KHDRBS2: variants seen among roughly 807,000 people sequenced by gnomAD.
KHDRBS2 encodes the protein KH domain-containing, RNA-binding, signal transduction-associated protein 2.
In KHDRBS2, 26 loss-of-function variants were observed where a neutral mutation model predicts 44.3. That is an observed-to-expected ratio of 0.59 (90% CI 0.43 to 0.81). The LOEUF is 0.81. Ranked by LOEUF, KHDRBS2 falls within the 40% of genes least tolerant of loss-of-function variation. The pLI, the probability that KHDRBS2 is intolerant of heterozygous loss-of-function variation, is 0.00. For synonymous variants in KHDRBS2, 194 were observed against 151.1 expected, an observed-to-expected ratio of 1.28 and a Z score of -2.08; for missense variants, 476 against 433.1, an observed-to-expected ratio of 1.10 and a Z score of -0.88.
At chr6:61,561,835 T>G in the KHDRBS2 span, among the ~76,000 whole-genome samples, 4 of 152,112 alleles carry the variant, frequency 2.6e-5, no homozygotes, top group African/African-American at 7.2e-5. Flanking sequence ...TACCACATAT[T>G]TGGTCTTCAT....
chr6:61,839,128 G>A (rs1199903520), intron 6 of KHDRBS2, among the ~76,000 whole-genome samples: 1 of 151,916 alleles, frequency 6.6e-6, no homozygotes. Context: ...GATGGGGTGG[G>A]GGAAACCACA....
intron 1 of KHDRBS2, among the ~76,000 whole-genome samples, chr6:62,199,594 CAAAT>C (rs1446240620): frequency 6.6e-6 from 1 of 152,150 alleles, no homozygotes; most frequent in Non-Finnish European, 1.5e-5. Context: ...AGGATATAAA[CAAAT>C]GGAAGAAAAT....
At chr6:62,189,104 A>C (rs1341258955) in intron 1 of KHDRBS2, among the ~76,000 whole-genome samples, 1 of 152,024 alleles carries the variant, frequency 6.6e-6, no homozygotes, top group African/African-American at 2.4e-5. Context: ...GCGACAGAGC[A>C]AGAGTCTGTC....
intron 1 of KHDRBS2, among the ~76,000 whole-genome samples, chr6:62,259,199 A>G (rs949950324): frequency 3.9e-5 from 6 of 152,168 alleles, no homozygotes; most frequent in Non-Finnish European, 5.9e-5. Flanking sequence ...ACTGGAAATT[A>G]CCAAAACTAT....
At chr6:61,603,284 C>A in the KHDRBS2 span, among the ~76,000 whole-genome samples, 9 of 152,110 alleles carry the variant, frequency 5.9e-5, no homozygotes, top group Admixed American at 5.2e-4. Context: ...CCACGTGGTG[C>A]CAAACCCATA....
chr6:62,270,434 G>A (rs1839908899), intron 1 of KHDRBS2, among the ~76,000 whole-genome samples: 1 of 150,442 alleles, frequency 6.6e-6, no homozygotes, highest in Admixed American at 6.7e-5. Context: ...GCAGATGCTG[G>A]TATTATGCTT....
intron 3 of KHDRBS2, among the ~76,000 whole-genome samples, chr6:62,029,778 G>A (rs1784011580): frequency 6.6e-6 from 1 of 151,948 alleles, no homozygotes; most frequent in Non-Finnish European, 1.5e-5. Flanking sequence ...ATTTCTGCAA[G>A]TGAAGCACTT....
In KHDRBS2 at chr6:62,144,379, T is replaced by C. The variant is rs143399606; in HGVS notation, c.219+32806A>G. ...TAATAATCTGTAAACTTGACTAATA[T>C]AGTTTTGAAATTAATAGGCAGTTTC... On this transcript the variant is annotated intron_variant, in intron 2 of 8. Coordinates refer to ENST00000281156, the MANE Select transcript of KHDRBS2 (RefSeq NM_152688.4). Among the ~76,000 whole-genome samples, 84 of 152,110 alleles carry C rather than the reference T, an allele frequency of 5.5e-4. No homozygotes were observed. In the East Asian group the frequency reaches 6.0e-3, roughly 11 times the overall value.
intron 3 of KHDRBS2, among the ~76,000 whole-genome samples, chr6:61,982,815 G>A (rs1366365232): frequency 6.6e-6 from 1 of 152,032 alleles, no homozygotes; most frequent in African/African-American, 2.4e-5. Context: ...ACTAAGAAAG[G>A]GTGATTATAA....
chr6:62,002,648 T>A (rs953401128), intron 3 of KHDRBS2, among the ~76,000 whole-genome samples: 6 of 151,250 alleles, frequency 4.0e-5, no homozygotes, highest in African/African-American at 1.4e-4. Context: ...TTATAATTAT[T>A]TTAAAATGTC....
At chr6:61,567,742 C>T in the KHDRBS2 span, among the ~76,000 whole-genome samples, 1 of 152,028 alleles carries the variant, frequency 6.6e-6, no homozygotes, top group African/African-American at 2.4e-5. Flanking sequence ...CTGCTCTTCC[C>T]TGACACAATA....
the KHDRBS2 span, among the ~76,000 whole-genome samples, chr6:61,566,474 C>T: frequency 6.6e-6 from 1 of 152,126 alleles, no homozygotes; most frequent in African/African-American, 2.4e-5. Context: ...ATTACACATT[C>T]TTTCTTGTAT....
At chr6:61,898,034 T>C (rs1803252048) in intron 5 of KHDRBS2, among the ~76,000 whole-genome samples, 1 of 152,128 alleles carries the variant, frequency 6.6e-6, no homozygotes, top group Non-Finnish European at 1.5e-5. Context: ...TACATTATTA[T>C]TGGAAAATTA....
intron 1 of KHDRBS2, among the ~76,000 whole-genome samples, chr6:62,250,260 A>G (rs1385100481): frequency 1.3e-5 from 2 of 152,124 alleles, no homozygotes; most frequent in Non-Finnish European, 2.9e-5. Context: ...ATCCACATAC[A>G]TAACATTATC....
chr6:62,052,625 G>A (rs1452648595), intron 2 of KHDRBS2, among the ~76,000 whole-genome samples: 72 of 138,660 alleles, frequency 5.2e-4, no homozygotes, highest in African/African-American at 1.9e-3. Flanking sequence ...AGGAGGGTGG[G>A]GGTTGGGGTG....
intron 1 of KHDRBS2, among the ~76,000 whole-genome samples, chr6:62,262,418 C>T (rs1012813617): frequency 1.3e-5 from 2 of 151,656 alleles, no homozygotes; most frequent in African/African-American, 4.8e-5. Flanking sequence ...ACATTGAAAC[C>T]CATCTGTCAG....
At chr6:62,010,041 T>C (rs1252223825) in intron 3 of KHDRBS2, among the ~76,000 whole-genome samples, 1 of 151,996 alleles carries the variant, frequency 6.6e-6, no homozygotes, top group Non-Finnish European at 1.5e-5. Context: ...TGACAGCTTG[T>C]ACCATGAGCC....
chr6:61,758,175 A>G (rs1562106837), intron 6 of KHDRBS2, among the ~76,000 whole-genome samples: 1 of 152,158 alleles, frequency 6.6e-6, no homozygotes, highest in Non-Finnish European at 1.5e-5. Flanking sequence ...GAAAAGCACA[A>G]ACTGGGGAAA....
intron 4 of KHDRBS2, among the ~76,000 whole-genome samples, chr6:61,976,194 T>C (rs1475013493): frequency 6.6e-6 from 1 of 152,152 alleles, no homozygotes; most frequent in Non-Finnish European, 1.5e-5. Context: ...CCACTCCTCA[T>C]GCCTATAGGC....
Sources: allele counts gnomAD v4.1 joint callset (sites outside exome capture counted in the v4.1 genomes callset), GRCh38; gene constraint gnomAD v4.1.1; transcripts MANE v1.5; gene names NCBI Gene and HGNC (gene_info 2026-07-23, HGNC 2026-07-21).